Variants in AK9 observed in about 807,000 individuals in gnomAD.
AK9 encodes adenylate kinase 9.
In AK9, 191 loss-of-function variants were observed where a neutral mutation model predicts 239.6. The ratio of observed to expected loss-of-function variants is 0.80; its 90% CI spans 0.71 to 0.90. The LOEUF (loss-of-function observed/expected upper bound fraction) is 0.90. Among genes scored for constraint, AK9 ranks in the 40% least tolerant of loss-of-function variants. AK9 has a pLI of 0.00. For synonymous variants in AK9, 689 were observed against 721.0 expected, an observed-to-expected ratio of 0.96 and a Z score of 0.71; for missense variants, 1,995 against 2,214.7, an observed-to-expected ratio of 0.90 and a Z score of 1.99.
intron 32 of AK9, among the ~76,000 whole-genome samples, chr6:109,511,666 A>T (rs1251125152): frequency 1.3e-5 from 2 of 152,210 alleles, no homozygotes; most frequent in African/African-American, 4.8e-5. Context: ...TACTCATCCC[A>T]TAAGGACGAT....
intron 1 of AK9, among the ~76,000 whole-genome samples, chr6:109,684,788 G>C (rs1773229800): frequency 7.4e-6 from 1 of 134,750 alleles, no homozygotes; most frequent in Admixed American, 7.9e-5. Context: ...GCAGGAGAAT[G>C]GCGTGAACCC....
intron 25 of AK9, 190 bp downstream of exon 25, chr6:109,549,900 G>A: frequency 2.0e-6 from 1 of 488,270 alleles, no homozygotes; most frequent in South Asian, 2.5e-5. Context: ...TCCTGACCTC[G>A]TGATCCGCCC....
At chr6:109,684,747 G>A (rs1275227505) in intron 1 of AK9, among the ~76,000 whole-genome samples, 46 of 140,732 alleles carry the variant, frequency 3.3e-4, no homozygotes, top group Non-Finnish European at 1.7e-4. Flanking sequence ...AGTGGCGGGC[G>A]CCTGTAGTCC....
At position 109,499,090 on chromosome 6, in the gene AK9, T is replaced by G; in HGVS notation, c.5000A>C (p.Glu1667Ala). The G allele has an allele frequency of 6.2e-7, 1 of 1,601,208 alleles. No individual in the cohort carries two copies. Among genetic ancestry groups the G allele is most frequent in the African/African-American group, 1.3e-5 (1 of 74,432 alleles). Reference protein sequence around the residue: ...SATDSLEFAAEFRGHYYKMSS... With the variant: ...SATDSLEFAAAFRGHYYKMSS... ...CATTTTATAGTAGTGCCCCCTGAAC[T>G]CTGCTGCAAATTCCAAGGAGTCAGT... The change falls in exon 36 of 41, where the codon GAG (glutamate) becomes GCG (alanine). Residue 1667 changes from glutamate (E) to alanine (A), a missense_variant. This residue lies in a region of AK9 where 391 missense variants were observed against 456.0 expected (regional missense o/e 0.86). Transcript: ENST00000424296.
chr6:109,662,047 T>C (rs1470996878), intron 6 of AK9, among the ~76,000 whole-genome samples: 1 of 152,214 alleles, frequency 6.6e-6, no homozygotes, highest in Non-Finnish European at 1.5e-5. Flanking sequence ...ACTTACTAGG[T>C]GCCACTATGT....
chr6:109,690,468 T>C (rs1013759493), intron 1 of AK9: 3 of 152,266 alleles, frequency 2.0e-5, no homozygotes, highest in Admixed American at 6.5e-5. Flanking sequence ...GGAAGGCTCC[T>C]TACCTGGCCG....
intron 17 of AK9, among the ~76,000 whole-genome samples, chr6:109,593,478 G>A (rs553316689): frequency 5.3e-5 from 8 of 151,954 alleles, no homozygotes; most frequent in African/African-American, 1.9e-4. Context: ...TATTCCAAAC[G>A]ACAGAAAAAG....
At position 109,641,708 on chromosome 6, in the gene AK9, T is replaced by TC. The variant is rs757882847; in HGVS notation, c.835-93dup. 1.2e-3 allele frequency: 1,255 copies of TC among 1,014,122 alleles called. 6 individuals carry two copies. Among genetic ancestry groups the TC allele is most frequent in the Non-Finnish European group, 1.7e-3 (1,132 of 682,614 alleles). 62.8% of individuals were successfully genotyped at this position (1,014,122 alleles called of 1,614,324 possible). ...GTGGGCTTATGAGCCAAGACCATGC[T>TC]CCCCCTGACTCTGGGTCGAATCCTT... On this transcript the variant is annotated intron_variant, in intron 9 of 40. Coordinates refer to ENST00000424296, the MANE Select transcript of AK9 (RefSeq NM_001145128.3).
chr6:109,502,546 G>A (rs1048705112), intron 35 of AK9, among the ~76,000 whole-genome samples: 2 of 152,154 alleles, frequency 1.3e-5, no homozygotes, highest in Admixed American at 6.5e-5. Context: ...CTTGATTTTG[G>A]ACTTCTAGCC....
intron 8 of AK9, among the ~76,000 whole-genome samples, chr6:109,651,612 A>G (rs1485952198): frequency 2.0e-5 from 3 of 152,226 alleles, no homozygotes; most frequent in African/African-American, 4.8e-5. Context: ...ACTCTTCAAA[A>G]AAATCAATGA....
chr6:109,514,524 AC>A, intron 31 of AK9, 87 bp from the exon 32 acceptor site: 1 of 1,169,506 alleles, frequency 8.6e-7, no homozygotes, highest in South Asian at 1.7e-5. Context: ...ACAATTCGTG[AC>A]ATAAGAAAAA....
intron 27 of AK9, among the ~76,000 whole-genome samples, chr6:109,535,075 T>C (rs748221346): frequency 3.5e-4 from 54 of 152,210 alleles, no homozygotes; most frequent in Non-Finnish European, 4.1e-4. Flanking sequence ...TACGTGTGCA[T>C]GTGGCATTAT....
chr6:109,548,442 T>C (rs1783887906), intron 25 of AK9, among the ~76,000 whole-genome samples: 1 of 152,168 alleles, frequency 6.6e-6, no homozygotes, highest in Non-Finnish European at 1.5e-5. Flanking sequence ...TGATGCTTTA[T>C]GAAAGTTTCG....
chr6:109,686,008 T>C (rs1320263512), intron 1 of AK9, among the ~76,000 whole-genome samples: 1 of 152,206 alleles, frequency 6.6e-6, no homozygotes, highest in Non-Finnish European at 1.5e-5. Flanking sequence ...ACACAGTCTC[T>C]TGTATTTTTT....
chr6:109,569,361 T>C (rs536808511), intron 21 of AK9, among the ~76,000 whole-genome samples: 20 of 152,254 alleles, frequency 1.3e-4, no homozygotes, highest in South Asian at 1.2e-3. Flanking sequence ...ATTCAGGACA[T>C]AGACATGGGC....
intron 29 of AK9, chr6:109,528,379 C>T: frequency 2.8e-6 from 1 of 360,462 alleles, no homozygotes; most frequent in South Asian, 2.1e-5. Flanking sequence ...GGCTGATTTG[C>T]CAGTATTTGA....
chr6:109,669,677 A>G (rs1403502757), intron 5 of AK9, among the ~76,000 whole-genome samples: 1 of 152,100 alleles, frequency 6.6e-6, no homozygotes, highest in Non-Finnish European at 1.5e-5. Context: ...AAAACCCTTC[A>G]CTTCCAATTT....
rs1352847497 is a variant in AK9 at position 109,493,388 on chromosome 6, A to C, written c.5717T>G (p.Ile1906Arg). The C allele has an allele frequency of 6.2e-7, 1 of 1,613,912 alleles. No individual in the cohort carries two copies. The highest frequency in any genetic ancestry group is 1.1e-5 in the South Asian group (1 of 91,070). ...AGTAAACTACCCATTAATTGGGTCT[A>C]TATTTCTGAGAGAGAGAAAGGTCTT... ...KLKTFLSLRNIDPING is the reference protein window; with the variant it reads ...KLKTFLSLRNRDPING Residue 1906 changes from isoleucine to arginine, a missense_variant, in exon 41 of 41, where the codon ATA becomes AGA. By Grantham distance (97) the Ile-to-Arg change is moderately conservative. Transcript: ENST00000424296.
At chr6:109,578,307 G>A (rs920762259) in intron 20 of AK9, among the ~76,000 whole-genome samples, 2 of 152,000 alleles carry the variant, frequency 1.3e-5, no homozygotes, top group African/African-American at 4.8e-5. Context: ...GACCTCAAGT[G>A]ATCCGCCCTC....
Sources: gnomAD v4.1 joint callset for allele counts (sites outside exome capture counted in the v4.1 genomes callset) on GRCh38, gnomAD v4.1.1 for gene constraint, gnomAD v4.1.1 regional missense constraint, MANE v1.5 for transcripts, NCBI Gene and HGNC (gene_info 2026-07-23, HGNC 2026-07-21) for gene names.